Variants in NSD2 observed in about 807,000 individuals in gnomAD.
NSD2 encodes histone-lysine N-methyltransferase NSD2.
In NSD2, 12 loss-of-function variants were observed where a neutral mutation model predicts 139.0. The ratio of observed to expected loss-of-function variants is 0.09; its 90% CI spans 0.06 to 0.14. The LOEUF is 0.14. Ranked by LOEUF, NSD2 falls within the 10% of genes least tolerant of loss-of-function variation. The pLI, the probability that NSD2 is intolerant of heterozygous loss-of-function variation, is 1.00. For synonymous variants in NSD2, 669 were observed against 648.7 expected, an observed-to-expected ratio of 1.03 and a Z score of -0.48; for missense variants, 1,155 against 1,745.0, an observed-to-expected ratio of 0.66 and a Z score of 6.02.
At position 1,941,942 on chromosome 4, in the gene NSD2, G is replaced by A. The variant is rs1243827793; in HGVS notation, c.1881+2164G>A. The A allele has an allele frequency of 1.1e-5, 12 of 1,075,416 alleles. No individual in the cohort carries two copies. The African/African-American group carries it at 1.1e-4, about 10-fold the overall frequency. The allele number at this position is 1,075,416 out of a possible 1,614,324, so 66.6% of individuals were successfully genotyped here. On this transcript the variant is annotated intron_variant, in intron 9 of 21. Transcript: ENST00000508803. ...AAACAGCCTGTTGACTGCTGGGCCC[G>A]ATTCTGATATGAGTTAGGTGACCAT...
At chr4:1,922,662 A>G (rs1333486907) in intron 5 of NSD2, among the ~76,000 whole-genome samples, 1 of 152,220 alleles carries the variant, frequency 6.6e-6, no homozygotes, top group Non-Finnish European at 1.5e-5. Context: ...GTGGTGGCTT[A>G]CGCCTGTAAT....
chr4:1,914,603 G>A (rs1176825772), intron 3 of NSD2, among the ~76,000 whole-genome samples: 1 of 151,706 alleles, frequency 6.6e-6, no homozygotes, highest in Non-Finnish European at 1.5e-5. Flanking sequence ...TGGGATTACA[G>A]GCGTGAGCCA....
At chr4:1,946,055 T>C in intron 9 of NSD2, 1 of 1,033,748 alleles carries the variant, frequency 9.7e-7, no homozygotes. Flanking sequence ...AATCAATAGA[T>C]TCATCACCTT....
chr4:1,938,376 T>C (rs1415216641), intron 7 of NSD2, 75 bp from the exon 8 acceptor site: 6 of 1,227,492 alleles, frequency 4.9e-6, no homozygotes, highest in Non-Finnish European at 6.5e-6. Context: ...TTGTTCTTTT[T>C]CTTTTTTTTT....
In NSD2 at chr4:1,904,929, G is replaced by A. The variant is rs141528201; in HGVS notation, c.760+551G>A. On this transcript the variant is annotated intron_variant, in intron 3 of 21. Coordinates refer to ENST00000508803, the MANE Select transcript of NSD2 (RefSeq NM_001042424.3). ...GTGGATCACTTGAGGTCAGGAGTTC[G>A]AGACTAGCCTGACCAACATGGTCAA... Among the ~76,000 whole-genome samples the A allele has an allele frequency of 4.0e-3, 611 of 152,260 alleles. 3 individuals are homozygous for A. Among genetic ancestry groups the A allele is most frequent in the Non-Finnish European group, 7.4e-3 (502 of 68,020 alleles).
intron 6 of NSD2, among the ~76,000 whole-genome samples, chr4:1,932,113 T>C (rs984462498): frequency 2.6e-5 from 4 of 152,102 alleles, no homozygotes; most frequent in African/African-American, 9.7e-5. Context: ...ACCACATCAT[T>C]GTCACGCGCC....
chr4:1,975,575 TAA>T, intron 20 of NSD2, 175 bp downstream of exon 20: 2 of 599,490 alleles, frequency 3.3e-6, no homozygotes, highest in Non-Finnish European at 5.9e-6. Context: ...GGCCAGTGGT[TAA>T]GAGTTCCTCA....
chr4:1,975,072 G>A, intron 19 of NSD2, 68 bp downstream of exon 19: 1 of 1,606,070 alleles, frequency 6.2e-7, no homozygotes. Context: ...GCTGAGGGCT[G>A]CGTGGGGCTG....
chr4:1,931,231 C>T (rs1466981859), intron 6 of NSD2, among the ~76,000 whole-genome samples: 3 of 152,136 alleles, frequency 2.0e-5, no homozygotes, highest in Non-Finnish European at 2.9e-5. Context: ...TACAGGGGTC[C>T]GGAGTGTGGG....
At chr4:1,910,115 T>C (rs1266405324) in intron 3 of NSD2, among the ~76,000 whole-genome samples, 2 of 152,100 alleles carry the variant, frequency 1.3e-5, no homozygotes, top group Non-Finnish European at 2.9e-5. Flanking sequence ...AAAATTTCCT[T>C]TGGAAATCTT....
chr4:1,872,591 TGAGA>T (rs1200688066), intron 1 of NSD2, among the ~76,000 whole-genome samples: 1,198 of 44,874 alleles, frequency 0.027, 26 homozygotes, highest in Middle Eastern at 0.043. Flanking sequence ...TGTGTGTGTG[TGAGA>T]GAGAGAGAGA....
intron 1 of NSD2, among the ~76,000 whole-genome samples, chr4:1,885,473 C>G (rs571609863): frequency 6.6e-6 from 1 of 152,274 alleles, no homozygotes; most frequent in Admixed American, 6.5e-5. Flanking sequence ...GATAAAACTT[C>G]TGATATGTTG....
At position 1,952,295 on chromosome 4, in the gene NSD2, A is replaced by G. The variant is rs1406287351; in HGVS notation, c.2137+64A>G. On this transcript the variant is annotated intron_variant, in intron 11 of 21. Transcript: ENST00000508803. ...GCCACCTGCTCCTGCAACCCCCTGC[A>G]CCAAGTCCTGCCCTGAGCTGCCTGC... is the stretch of plus-strand genomic sequence containing the variant. 2.5e-6 allele frequency: 4 copies of G among 1,600,534 alleles called. No homozygotes were observed. In the Admixed American group the frequency reaches 6.7e-5, roughly 27 times the overall value.
rs187274246 is a variant in NSD2, at chr4:1,930,579, A to G, written c.1411-47A>G. On this transcript the variant is annotated intron_variant, in intron 5 of 21. Transcript: ENST00000508803. ...ATTTCATGCAAAACAAAACCCAATG[A>G]GTTTTACGGATTTAACTTCTCATTG... is the stretch of plus-strand genomic sequence containing the variant. The G allele has an allele frequency of 9.8e-6, 15 of 1,536,168 alleles. No homozygotes were observed. In the Admixed American group the frequency reaches 1.8e-4, roughly 19 times the overall value.
intron 1 of NSD2, among the ~76,000 whole-genome samples, chr4:1,879,825 T>G (rs1254581470): frequency 2.3e-5 from 2 of 85,418 alleles, no homozygotes; most frequent in Non-Finnish European, 4.3e-5. Flanking sequence ...CCATGGCACT[T>G]GTGTGTGTGT....
At chr4:1,938,418 T>TTTTTTTTTTTTTTTTTTTTTTTTTTC in intron 7 of NSD2, 33 bp from the exon 8 acceptor site, 2 of 449,650 alleles carry the variant, frequency 4.4e-6, no homozygotes, top group South Asian at 3.8e-5. Context: ...TTTTCTTTCT[T>TTTTTTTTTTTTTTTTTTTTTTTTTTC]TTTTTTTTTT....
rs538516664 is a variant in NSD2, at chr4:1,978,583, G to C, written c.3827-55G>C. 70 of 1,552,860 alleles carry C rather than the reference G, an allele frequency of 4.5e-5. No homozygotes were observed. In the East Asian group the frequency reaches 1.6e-3, roughly 35 times the overall value. On this transcript the variant is annotated intron_variant, in intron 21 of 21. Transcript: ENST00000508803. ...GTAAGTCATCTTCAACCACGATAAT[G>C]TTGAAGTCGTGATTCCATCACTTCT...
intron 12 of NSD2, among the ~76,000 whole-genome samples, chr4:1,954,174 G>A (rs375934281): frequency 2.6e-4 from 39 of 152,082 alleles, no homozygotes; most frequent in African/African-American, 9.4e-4. Context: ...TAGTAGAGAC[G>A]GGGTTTCATC....
In NSD2 at chr4:1,894,316, GT is replaced by G. The variant is rs1390263168; in HGVS notation, c.-29-6306del. On this transcript the variant is annotated intron_variant, in intron 1 of 21. Transcript: ENST00000508803. ...TCAATACAATGTATCTAGATGATTT[GT>G]TTTCATTTATTTTGCTCAGAACATA... 2.6e-5 allele frequency among the ~76,000 whole-genome samples: 4 copies of G among 152,054 alleles called. 1 individual carries two copies. Among genetic ancestry groups the G allele is most frequent in the Admixed American group, 6.6e-5 (1 of 15,256 alleles).
Sources: allele counts gnomAD v4.1 joint callset (sites outside exome capture counted in the v4.1 genomes callset), GRCh38; gene constraint gnomAD v4.1.1; transcripts MANE v1.5; gene names NCBI Gene and HGNC (gene_info 2026-07-23, HGNC 2026-07-21).